RAP1GAP2: variants seen among roughly 807,000 people sequenced by gnomAD.
The protein encoded by RAP1GAP2 is RAP1 GTPase activating protein 2, also known as rap1 GTPase-activating protein 2.
RAP1GAP2 carries 27 observed loss-of-function variants against 95.0 expected under a neutral mutation model. The observed-to-expected ratio is 0.28, with a 90% confidence interval of 0.21 to 0.39. The LOEUF is 0.39. Ranked by LOEUF, RAP1GAP2 falls within the 10% of genes least tolerant of loss-of-function variation. The probability of loss-of-function intolerance (pLI) is 1.00; values close to 1 mark genes in which losing one functional copy is unlikely to be tolerated. For missense variants in RAP1GAP2, 771 were observed against 970.0 expected, an observed-to-expected ratio of 0.79 and a Z score of 2.72; for synonymous variants, 373 against 380.9, an observed-to-expected ratio of 0.98 and a Z score of 0.24.
At chr17:2,994,222 C>T (rs533073407) in intron 12 of RAP1GAP2, among the ~76,000 whole-genome samples, 1 of 152,254 alleles carries the variant, frequency 6.6e-6, no homozygotes, top group African/African-American at 2.4e-5. Flanking sequence ...CCCGGAGCTC[C>T]TGCCCCCTGT....
At chr17:2,911,152 G>A (rs551900664) in intron 3 of RAP1GAP2, among the ~76,000 whole-genome samples, 1 of 152,292 alleles carries the variant, frequency 6.6e-6, no homozygotes, top group South Asian at 2.1e-4. Flanking sequence ...CCTCCAGCCT[G>A]AGAGTCTCTG....
Position 3,029,276 on chromosome 17 carries a change from C to T in RAP1GAP2, c.2108-1646C>T, listed in dbSNP as rs1304956309. ...GCAGGTTGCTGAAGGTCACCGAGGG[C>T]GGAAGGGACCTGGAGCGGGTCTGGT... On this transcript the variant is annotated intron_variant, in intron 22 of 24. Coordinates refer to ENST00000254695, the MANE Select transcript of RAP1GAP2 (RefSeq NM_015085.5). This position sits in a 1 kb window ranked among gnomAD's most constrained non-coding sequence, Gnocchi z 4.4. Among the ~76,000 whole-genome samples, 2 of 152,156 alleles carry T rather than the reference C, an allele frequency of 1.3e-5. No individual in the cohort carries two copies. The highest frequency in any genetic ancestry group is 3.8e-4 in the East Asian group (2 of 5,196).
chr17:2,872,654 A>G (rs894216566), intron 2 of RAP1GAP2, among the ~76,000 whole-genome samples: 5 of 150,534 alleles, frequency 3.3e-5, no homozygotes, highest in Non-Finnish European at 7.4e-5. Context: ...TCCGTTTTTG[A>G]TACTGACAAC....
chr17:3,009,605 C>A (rs1325547216), intron 17 of RAP1GAP2, among the ~76,000 whole-genome samples: 1 of 152,212 alleles, frequency 6.6e-6, no homozygotes, highest in African/African-American at 2.4e-5. Flanking sequence ...CAGTCCCCCA[C>A]TGCCCGGCTG....
intron 2 of RAP1GAP2, among the ~76,000 whole-genome samples, chr17:2,888,292 T>G (rs534124385): frequency 6.6e-6 from 1 of 152,300 alleles, no homozygotes; most frequent in East Asian, 1.9e-4. Context: ...CAAAATCTGC[T>G]CTTCTGGCTA....
At chr17:2,922,593 C>T (rs968840270) in intron 3 of RAP1GAP2, among the ~76,000 whole-genome samples, 7 of 152,050 alleles carry the variant, frequency 4.6e-5, no homozygotes, top group African/African-American at 1.7e-4. Flanking sequence ...CAGGGTGTTG[C>T]GGGGCTGGGA....
chr17:2,812,006 C>T (rs151265045), intron 2 of RAP1GAP2, among the ~76,000 whole-genome samples: 197 of 152,276 alleles, frequency 1.3e-3, no homozygotes, highest in African/African-American at 4.5e-3. Context: ...TGAGTCACTG[C>T]GCCTGGCCGG....
At position 2,827,858 on chromosome 17, in the gene RAP1GAP2, G is replaced by T. The variant is rs1289525383; in HGVS notation, c.80+27308G>T. The stretch of plus-strand genomic sequence containing the variant: ...AAAACAAGGGGGAGGGTTCATACAC[G>T]ATCGGTTGCAGCAGGCACGCCAGTG... On this transcript the variant is annotated intron_variant, in intron 2 of 24. Coordinates refer to ENST00000254695, the MANE Select transcript of RAP1GAP2 (RefSeq NM_015085.5). This position sits in a 1 kb window ranked among gnomAD's most constrained non-coding sequence, Gnocchi z 4.1. 6.6e-6 allele frequency among the ~76,000 whole-genome samples: 1 copy of T among 151,778 alleles called. No individual in the cohort carries two copies. Among genetic ancestry groups the T allele is most frequent in the East Asian group, 1.9e-4 (1 of 5,162 alleles).
chr17:2,995,553 G>T (rs536815427), intron 13 of RAP1GAP2, 87 bp downstream of exon 13: 1 of 1,543,294 alleles, frequency 6.5e-7, no homozygotes, highest in Non-Finnish European at 8.8e-7. Context: ...GGCTGTGGCC[G>T]TCCCCATATT....
upstream of RAP1GAP2, among the ~76,000 whole-genome samples, chr17:2,775,404 A>T (rs954121392): frequency 2.0e-5 from 3 of 151,590 alleles, no homozygotes; most frequent in African/African-American, 7.3e-5. Flanking sequence ...CCTCTCCAAG[A>T]AAGTGACATG....
At chr17:3,021,539 G>A (rs899924307) in intron 19 of RAP1GAP2, among the ~76,000 whole-genome samples, 5 of 146,868 alleles carry the variant, frequency 3.4e-5, no homozygotes, top group African/African-American at 1.0e-4. Flanking sequence ...GGTTCAAGCA[G>A]TTCTCCTGTC....
At chr17:2,939,893 G>C (rs1053618805) in intron 3 of RAP1GAP2, among the ~76,000 whole-genome samples, 2 of 152,258 alleles carry the variant, frequency 1.3e-5, no homozygotes, top group South Asian at 4.1e-4. Context: ...GCTAGTCAGC[G>C]TGGACTAACA....
Position 2,904,885 on chromosome 17 carries a change from T to G in RAP1GAP2, c.81-399T>G, listed in dbSNP as rs1009536292. ...CCAATTCTGGTTTCTGCATTGTATTTTTTTTTTTAATTGGAAACGGAGTTT... is the reference window on the plus strand; with the variant it reads ...CCAATTCTGGTTTCTGCATTGTATTGTTTTTTTTAATTGGAAACGGAGTTT... On this transcript the variant is annotated intron_variant, in intron 2 of 24. Coordinates refer to ENST00000254695, the MANE Select transcript of RAP1GAP2 (RefSeq NM_015085.5). The surrounding 1 kb of genome is among the most constrained non-coding windows in gnomAD (Gnocchi z 4.7). Among the ~76,000 whole-genome samples, 1 of 151,950 alleles carries G rather than the reference T, an allele frequency of 6.6e-6. No homozygotes were observed. The highest frequency in any genetic ancestry group is 1.9e-4 in the East Asian group (1 of 5,176).
intron 12 of RAP1GAP2, among the ~76,000 whole-genome samples, chr17:2,992,046 G>A (rs547180705): frequency 4.6e-5 from 7 of 152,272 alleles, no homozygotes; most frequent in Non-Finnish European, 7.3e-5. Context: ...GATTACCGGC[G>A]TGAGCCGCCG....
chr17:2,873,379 G>T (rs1261093826), intron 2 of RAP1GAP2, among the ~76,000 whole-genome samples: 1 of 148,022 alleles, frequency 6.8e-6, no homozygotes, highest in Non-Finnish European at 1.5e-5. Context: ...GGAGGCTGAG[G>T]TGGGAGGATC....
exon 2 of RAP1GAP2, chr17:2,770,368 G>A (rs994938380): frequency 7.5e-6 from 3 of 398,586 alleles, no homozygotes; most frequent in South Asian, 1.3e-4. Flanking sequence ...AGGAGAGGAC[G>A]CTGACAGCCT....
chr17:2,820,970 G>C (rs77029340), intron 2 of RAP1GAP2, among the ~76,000 whole-genome samples: 30,039 of 147,966 alleles, frequency 0.2, 4,951 homozygotes, highest in African/African-American at 0.46. Flanking sequence ...CTGCTGACCT[G>C]TTGATCTGCC....
At chr17:2,893,532 A>C (rs1328715351) in intron 2 of RAP1GAP2, among the ~76,000 whole-genome samples, 1 of 152,266 alleles carries the variant, frequency 6.6e-6, no homozygotes, top group Non-Finnish European at 1.5e-5. Context: ...ATACATCCAC[A>C]CTGAATGAAT....
Position 2,891,990 on chromosome 17 carries a change from A to AT in RAP1GAP2, c.81-13289dup, listed in dbSNP as rs200693566. ...AGTCATGTGCCACCATGCCCGGCTA[A>AT]TTTTTGTATTTTTAGTAGAGACGGG... On this transcript the variant is annotated intron_variant, in intron 2 of 24. Transcript: ENST00000254695. Among the ~76,000 whole-genome samples, 1,335 of 151,220 alleles carry AT rather than the reference A, an allele frequency of 8.8e-3. 15 individuals are homozygous for AT. Among genetic ancestry groups the AT allele is most frequent in the Non-Finnish European group, 0.014 (940 of 67,794 alleles).
Sources: allele counts gnomAD v4.1 joint callset (sites outside exome capture counted in the v4.1 genomes callset), GRCh38; gene constraint gnomAD v4.1.1; non-coding constraint Gnocchi (gnomAD v3.1); transcripts MANE v1.5; gene names NCBI Gene and HGNC (gene_info 2026-07-23, HGNC 2026-07-21).